RBFOX1: variants seen among roughly 807,000 people sequenced by gnomAD.
RBFOX1 encodes the protein RNA binding fox-1 homolog 1.
RBFOX1 carries 8 observed loss-of-function variants against 57.7 expected under a neutral mutation model. That is an observed-to-expected ratio of 0.14 (90% CI 0.08 to 0.25). RBFOX1 has a LOEUF of 0.25. Among genes scored for constraint, RBFOX1 ranks in the 10% least tolerant of loss-of-function variants. The probability of loss-of-function intolerance (pLI) is 1.00; values close to 1 mark genes in which losing one functional copy is unlikely to be tolerated. For missense variants in RBFOX1, 611 were observed against 548.5 expected, an observed-to-expected ratio of 1.11 and a Z score of -1.14; for synonymous variants, 326 against 222.4, an observed-to-expected ratio of 1.47 and a Z score of -4.15.
At chr16:7,363,713 T>C (rs972005611) in intron 4 of RBFOX1, among the ~76,000 whole-genome samples, 1 of 152,210 alleles carries the variant, frequency 6.6e-6, no homozygotes, top group African/African-American at 2.4e-5. Flanking sequence ...AAAACCTTTT[T>C]GCTTACGGCT....
chr16:6,586,388 C>A (rs574961852), intron 2 of RBFOX1, among the ~76,000 whole-genome samples: 62 of 152,318 alleles, frequency 4.1e-4, no homozygotes, highest in African/African-American at 1.5e-3. Context: ...AGTAATCTAT[C>A]TCCAGTGCGT....
chr16:7,241,129 G>T (rs983709670), intron 4 of RBFOX1, among the ~76,000 whole-genome samples: 1 of 152,198 alleles, frequency 6.6e-6, no homozygotes, highest in Non-Finnish European at 1.5e-5. Flanking sequence ...ACCCGAGGCA[G>T]AAGTATCCCC....
chr16:6,751,115 A>G (rs2074855546), intron 3 of RBFOX1, among the ~76,000 whole-genome samples: 1 of 152,206 alleles, frequency 6.6e-6, no homozygotes, highest in Non-Finnish European at 1.5e-5. Flanking sequence ...ATAGGTTTGA[A>G]TAGCAGATAA....
At chr16:5,968,834 A>G (rs1204739047) in intron 4 of RBFOX1, among the ~76,000 whole-genome samples, 1 of 151,998 alleles carries the variant, frequency 6.6e-6, no homozygotes, top group Non-Finnish European at 1.5e-5. Context: ...AAGGACTCTT[A>G]TCTCTATTTT....
chr16:6,557,105 A>G (rs1315890475), intron 2 of RBFOX1, among the ~76,000 whole-genome samples: 1 of 144,326 alleles, frequency 6.9e-6, no homozygotes, highest in Non-Finnish European at 1.5e-5. Flanking sequence ...ATATATACAT[A>G]CATATATACA....
intron 3 of RBFOX1, among the ~76,000 whole-genome samples, chr16:6,796,444 C>T (rs905991281): frequency 2.6e-5 from 4 of 152,098 alleles, no homozygotes; most frequent in Non-Finnish European, 4.4e-5. Flanking sequence ...GCACCCTAAC[C>T]CCCCACTGCC....
intron 3 of RBFOX1, among the ~76,000 whole-genome samples, chr16:6,823,717 C>T (rs1039469898): frequency 1.3e-5 from 2 of 152,168 alleles, no homozygotes; most frequent in South Asian, 2.1e-4. Flanking sequence ...TTCATTCATT[C>T]AATATTTACC....
At chr16:5,313,437 C>T (rs563302629) in intron 1 of RBFOX1, among the ~76,000 whole-genome samples, 5 of 152,262 alleles carry the variant, frequency 3.3e-5, no homozygotes, top group Non-Finnish European at 7.4e-5. Flanking sequence ...AGGTCCTTTC[C>T]TGTAGAACAA....
chr16:6,451,569 A>C lies in RBFOX1; in HGVS notation c.-64+134512A>C, dbSNP rs182262867. On this transcript the variant is annotated intron_variant, in intron 2 of 15. Coordinates refer to ENST00000550418, the MANE Select transcript of RBFOX1 (RefSeq NM_018723.4). ...AAGATCTGATGTGTGTTTTGTAGGT[A>C]TTACCACCTTCACCTGGAAATAATT... 2.4e-3 allele frequency among the ~76,000 whole-genome samples: 358 copies of C among 152,214 alleles called. 2 individuals carry two copies. The highest frequency in any genetic ancestry group is 3.5e-3 in the Non-Finnish European group (238 of 68,012).
At chr16:7,169,941 C>T (rs1284470050) in intron 4 of RBFOX1, among the ~76,000 whole-genome samples, 1 of 152,060 alleles carries the variant, frequency 6.6e-6, no homozygotes, top group African/African-American at 2.4e-5. Flanking sequence ...GGCATGGTGA[C>T]ACACGCCTGT....
intron 3 of RBFOX1, among the ~76,000 whole-genome samples, chr16:6,932,471 G>A (rs183306655): frequency 2.6e-5 from 4 of 152,220 alleles, no homozygotes; most frequent in Admixed American, 2.6e-4. Flanking sequence ...TTCAACCTTG[G>A]AGGAAACATT....
rs970706083 is a variant in RBFOX1 at position 5,947,753 on chromosome 16, G to T, written c.351+80418G>T. 5.3e-5 allele frequency among the ~76,000 whole-genome samples: 8 copies of T among 152,306 alleles called. No homozygotes were observed. Among genetic ancestry groups the T allele is most frequent in the African/African-American group, 9.6e-5 (4 of 41,564 alleles). On this transcript the variant is annotated intron_variant, in intron 4 of 19. Coordinates refer to the RBFOX1 transcript ENST00000641259. The surrounding 1 kb of genome is among the most constrained non-coding windows in gnomAD (Gnocchi z 7.2). ...TATGTCCAGGAACATTCTTAAGGGG[G>T]TGTCTCCACCTAACAGTGCAAGGAT...
intron 4 of RBFOX1, among the ~76,000 whole-genome samples, chr16:7,435,165 C>G (rs529630708): frequency 1.3e-5 from 2 of 152,174 alleles, no homozygotes; most frequent in East Asian, 3.9e-4. Context: ...TGTCACATTA[C>G]AATTAATTGC....
intron 3 of RBFOX1, among the ~76,000 whole-genome samples, chr16:6,915,169 C>G (rs1453003391): frequency 6.6e-6 from 1 of 152,170 alleles, no homozygotes; most frequent in African/African-American, 2.4e-5. Flanking sequence ...GGCACTGGGG[C>G]TGAGCTGCTG....
chr16:6,182,465 C>T (rs1039475444), intron 1 of RBFOX1, among the ~76,000 whole-genome samples: 3 of 152,064 alleles, frequency 2.0e-5, no homozygotes, highest in Non-Finnish European at 4.4e-5. Context: ...AGCTAATATG[C>T]ATTTGTTTTT....
At chr16:5,646,317 G>A (rs571654367) in intron 3 of RBFOX1, among the ~76,000 whole-genome samples, 2 of 151,722 alleles carry the variant, frequency 1.3e-5, no homozygotes, top group Admixed American at 6.6e-5. Flanking sequence ...CAACCACTGT[G>A]TTGTGGAGAT....
intron 3 of RBFOX1, among the ~76,000 whole-genome samples, chr16:6,742,714 G>T (rs2072566737): frequency 6.6e-6 from 1 of 152,132 alleles, no homozygotes; most frequent in African/African-American, 2.4e-5. Flanking sequence ...GCACAATGTT[G>T]AATGAAAATT....
chr16:5,534,887 C>G (rs1480912350), intron 2 of RBFOX1, among the ~76,000 whole-genome samples: 2 of 152,184 alleles, frequency 1.3e-5, no homozygotes, highest in African/African-American at 4.8e-5. Flanking sequence ...AAAGATGCTA[C>G]AGATATGGGT....
At chr16:6,084,629 A>G (rs2096059321) in intron 1 of RBFOX1, among the ~76,000 whole-genome samples, 1 of 152,126 alleles carries the variant, frequency 6.6e-6, no homozygotes, top group Non-Finnish European at 1.5e-5. Flanking sequence ...AGAAAAAAAA[A>G]CAGTGACATG....
Sources: allele counts gnomAD v4.1 joint callset (sites outside exome capture counted in the v4.1 genomes callset), GRCh38; gene constraint gnomAD v4.1.1; non-coding constraint Gnocchi (gnomAD v3.1); transcripts MANE v1.5; gene names NCBI Gene and HGNC (gene_info 2026-07-23, HGNC 2026-07-21).